Variants in CXADR observed in about 807,000 individuals in gnomAD.
CXADR encodes coxsackievirus and adenovirus receptor.
CXADR carries 20 observed loss-of-function variants against 40.3 expected under a neutral mutation model. The ratio of observed to expected loss-of-function variants is 0.50; its 90% CI spans 0.35 to 0.72. The LOEUF (loss-of-function observed/expected upper bound fraction) is 0.72. Ranked by LOEUF, CXADR falls within the 30% of genes least tolerant of loss-of-function variation. The pLI, the probability that CXADR is intolerant of heterozygous loss-of-function variation, is 0.01. For missense variants in CXADR, 332 were observed against 449.1 expected (o/e 0.74, Z 2.36); for synonymous variants, 150 against 161.3 (o/e 0.93, Z 0.53).
At chr21:17,589,713 C>T (rs922860063) in intron 7 of CXADR, among the ~76,000 whole-genome samples, 2 of 151,926 alleles carry the variant, frequency 1.3e-5, no homozygotes, top group African/African-American at 4.8e-5. Context: ...ATTTTTGCCA[C>T]CCAAAACAAT....
At position 17,558,966 on chromosome 21, in the gene CXADR, T is replaced by C; in HGVS notation, c.416-10T>C. ...TCTTATGTAAATTTATAATTTGTTT[T>C]CTCTTTCAGTTAAGCCTTCAGGTGC... On this transcript the variant is annotated splice_polypyrimidine_tract_variant and intron_variant, in intron 3 of 6. Transcript: ENST00000284878. 2 of 1,600,006 alleles carry C rather than the reference T, an allele frequency of 1.3e-6. No homozygotes were observed. The highest frequency in any genetic ancestry group is 1.7e-6 in the Non-Finnish European group (2 of 1,174,052).
chr21:17,575,185 G>A (rs2061312010), intron 7 of CXADR, among the ~76,000 whole-genome samples: 1 of 148,912 alleles, frequency 6.7e-6, no homozygotes, highest in South Asian at 2.2e-4. Context: ...GTTTTGTTTG[G>A]TTTTGTTTGG....
intron 6 of CXADR, among the ~76,000 whole-genome samples, chr21:17,563,016 T>C (rs1289031288): frequency 6.6e-6 from 1 of 152,244 alleles, no homozygotes; most frequent in Admixed American, 6.5e-5. Context: ...CACTTTCTTA[T>C]CGTTCACGTG....
intron 3 of CXADR, among the ~76,000 whole-genome samples, chr21:17,556,519 A>G (rs1019787609): frequency 6.6e-6 from 1 of 152,224 alleles, no homozygotes; most frequent in Non-Finnish European, 1.5e-5. Flanking sequence ...CATATTACCC[A>G]TAGATGTTTG....
chr21:17,563,961 A>AAAAAAAAAAAAAAAAAAT (rs2061164435), intron 6 of CXADR, among the ~76,000 whole-genome samples: 3 of 142,936 alleles, frequency 2.1e-5, no homozygotes, highest in Non-Finnish European at 3.1e-5. Flanking sequence ...AAAAAAAAAA[A>AAAAAAAAAAAAAAAAAAT]GGTATTGATA....
At chr21:17,518,985 T>G in intron 1 of CXADR, 2 of 1,608,628 alleles carry the variant, frequency 1.2e-6, no homozygotes, top group South Asian at 2.2e-5. Flanking sequence ...CTAACTTTTC[T>G]TGATTCATGC....
intron 1 of CXADR, among the ~76,000 whole-genome samples, chr21:17,541,051 C>A (rs1182627626): frequency 6.6e-6 from 1 of 152,060 alleles, no homozygotes; most frequent in Non-Finnish European, 1.5e-5. Context: ...CCCCCATGCA[C>A]CAACATCTCC....
rs930849607 is a variant in CXADR at position 17,567,743 on chromosome 21, CAG to C, written c.*2053_*2054del. On this transcript the variant is annotated 3_prime_UTR_variant, in exon 7 of 7. Transcript: ENST00000284878. ...ATATTATAAAAAATAAGTAAATAAA[CAG>C]AACATTAATAATAAAGTTTTGGTTC... The C allele has an allele frequency of 7.5e-5, 63 of 839,942 alleles. No individual in the cohort carries two copies. In the African/African-American group the frequency reaches 1.1e-3, roughly 15 times the overall value. The allele number at this position is 839,942 out of a possible 1,614,324, so 52.0% of individuals were successfully genotyped here.
chr21:17,593,448 A>G (rs1218032038), exon 8 of CXADR: 3 of 277,968 alleles, frequency 1.1e-5, no homozygotes, highest in South Asian at 3.3e-4. Flanking sequence ...TATATTTTCA[A>G]TAACTACCAC....
chr21:17,517,056 A>G (rs964360645), intron 1 of CXADR, among the ~76,000 whole-genome samples: 3 of 152,142 alleles, frequency 2.0e-5, no homozygotes, highest in Admixed American at 6.5e-5. Flanking sequence ...TTAATATATT[A>G]TTGGTCTTGC....
chr21:17,549,885 C>T (rs776419236), intron 2 of CXADR, among the ~76,000 whole-genome samples: 6 of 152,126 alleles, frequency 3.9e-5, no homozygotes, highest in Non-Finnish European at 8.8e-5. Flanking sequence ...GATAGAGTAG[C>T]CAGATTTGTG....
intron 4 of CXADR, among the ~76,000 whole-genome samples, chr21:17,559,700 A>G (rs1425405587): frequency 8.2e-6 from 1 of 121,658 alleles, no homozygotes. Flanking sequence ...TTCCGAGACA[A>G]GGGGTCTCGC....
intron 7 of CXADR, among the ~76,000 whole-genome samples, chr21:17,588,886 A>G (rs2061415808): frequency 6.6e-6 from 1 of 152,084 alleles, no homozygotes; most frequent in South Asian, 2.1e-4. Context: ...ATTAATTTGT[A>G]GAAAAGTAAA....
chr21:17,604,895 G>A, the CXADR span: 195 of 1,614,048 alleles, frequency 1.2e-4, no homozygotes, highest in Non-Finnish European at 1.6e-4. Context: ...CCCAGAGAGT[G>A]AGCTCCTTTG....
At chr21:17,527,286 C>T (rs374955516) in intron 1 of CXADR, 5 of 152,068 alleles carry the variant, frequency 3.3e-5, no homozygotes, top group Non-Finnish European at 7.4e-5. Flanking sequence ...GGAATTTGAA[C>T]GCTCCCCCAA....
chr21:17,592,636 TTCC>T (rs1222550480), intron 7 of CXADR, among the ~76,000 whole-genome samples: 2 of 152,034 alleles, frequency 1.3e-5, no homozygotes, highest in African/African-American at 2.4e-5. Context: ...TAATTTTTTT[TTCC>T]TTTTTTTCTT....
chr21:17,609,294 A>C, the CXADR span: 1 of 793,052 alleles, frequency 1.3e-6, no homozygotes, highest in Admixed American at 3.1e-5. Flanking sequence ...TATCTGAAGT[A>C]GAGAACAATC....
chr21:17,583,788 A>G (rs1478454112), intron 7 of CXADR, among the ~76,000 whole-genome samples: 1 of 152,226 alleles, frequency 6.6e-6, no homozygotes, highest in Non-Finnish European at 1.5e-5. Context: ...TAATGATCAC[A>G]TGGGATTCCT....
chr21:17,521,628 C>T (rs368622025), intron 1 of CXADR, among the ~76,000 whole-genome samples: 2 of 152,106 alleles, frequency 1.3e-5, no homozygotes, highest in African/African-American at 4.8e-5. Context: ...TGGCCAGGCT[C>T]CAAATTTTGA....
Sources: allele counts gnomAD v4.1 joint callset (sites outside exome capture counted in the v4.1 genomes callset), GRCh38; gene constraint gnomAD v4.1.1; transcripts MANE v1.5; gene names NCBI Gene and HGNC (gene_info 2026-07-23, HGNC 2026-07-21).